HSPA12A: variants seen among roughly 807,000 people sequenced by gnomAD.
HSPA12A encodes the protein heat shock protein family A (Hsp70) member 12A.
HSPA12A carries 28 observed loss-of-function variants against 69.2 expected under a neutral mutation model. The ratio of observed to expected loss-of-function variants is 0.40; its 90% CI spans 0.30 to 0.55. The LOEUF (loss-of-function observed/expected upper bound fraction) is 0.55, where lower values mean the gene tolerates loss of function less well. Ranked by LOEUF, HSPA12A falls within the 20% of genes least tolerant of loss-of-function variation. The probability of loss-of-function intolerance (pLI) is 0.38; values close to 1 mark genes in which losing one functional copy is unlikely to be tolerated. For synonymous variants in HSPA12A, 345 were observed against 370.5 expected, an observed-to-expected ratio of 0.93 and a Z score of 0.79; for missense variants, 686 against 900.7, an observed-to-expected ratio of 0.76 and a Z score of 3.05.
At chr10:116,821,854 C>A (rs1423884910) in intron 2 of HSPA12A, among the ~76,000 whole-genome samples, 1 of 152,124 alleles carries the variant, frequency 6.6e-6, no homozygotes, top group African/African-American at 2.4e-5. Flanking sequence ...AGGGACTATG[C>A]CCTTTACAGC....
intron 1 of HSPA12A, among the ~76,000 whole-genome samples, chr10:116,840,677 T>TA (rs1285223449): frequency 2.0e-5 from 3 of 152,174 alleles, no homozygotes; most frequent in Non-Finnish European, 4.4e-5. Flanking sequence ...TTTAACATGT[T>TA]AGAGTCCGAA....
chr10:116,804,047 T>C (rs79781298), intron 2 of HSPA12A, among the ~76,000 whole-genome samples: 3,942 of 152,206 alleles, frequency 0.026, 167 homozygotes, highest in African/African-American at 0.089. Flanking sequence ...AATCACGCAC[T>C]GTCTTGCAAC....
intron 2 of HSPA12A, among the ~76,000 whole-genome samples, chr10:116,759,009 G>C (rs1215607134): frequency 1.3e-5 from 2 of 152,184 alleles, no homozygotes; most frequent in East Asian, 1.9e-4. Flanking sequence ...CAGCCGGCTT[G>C]TTTCAGATTC....
chr10:116,683,588 G>C (rs1028312588), intron 7 of HSPA12A: 4 of 416,040 alleles, frequency 9.6e-6, no homozygotes, highest in African/African-American at 4.0e-5. Context: ...GATGAACCAG[G>C]GTAACCATGC....
intron 1 of HSPA12A, among the ~76,000 whole-genome samples, chr10:116,848,654 T>C (rs1490665293): frequency 6.6e-6 from 1 of 152,164 alleles, no homozygotes; most frequent in African/African-American, 2.4e-5. Flanking sequence ...AATCGCATGA[T>C]ACCTGGCAGG....
intron 2 of HSPA12A, among the ~76,000 whole-genome samples, chr10:116,818,130 G>T (rs146222428): frequency 1.1e-3 from 162 of 152,312 alleles, no homozygotes; most frequent in Non-Finnish European, 1.5e-3. Flanking sequence ...CTCCAACTAG[G>T]AAGACATCTG....
At chr10:116,728,366 T>A (rs893934525) in intron 1 of HSPA12A, among the ~76,000 whole-genome samples, 59 of 152,196 alleles carry the variant, frequency 3.9e-4, no homozygotes, top group African/African-American at 1.4e-3. Context: ...TGTAACTCCA[T>A]CGTAAGTCAA....
At chr10:116,843,847 T>C (rs1358541324) in intron 1 of HSPA12A, among the ~76,000 whole-genome samples, 3 of 152,212 alleles carry the variant, frequency 2.0e-5, no homozygotes, top group Admixed American at 6.5e-5. Context: ...TTCAATACTG[T>C]AGCAATGATT....
At chr10:116,691,177 C>T (rs1200095612) in intron 6 of HSPA12A, among the ~76,000 whole-genome samples, 1 of 152,194 alleles carries the variant, frequency 6.6e-6, no homozygotes, top group Non-Finnish European at 1.5e-5. Flanking sequence ...GATTCTCACA[C>T]TGCAAGGAGG....
intron 1 of HSPA12A, among the ~76,000 whole-genome samples, chr10:116,713,763 C>T (rs1850519814): frequency 6.6e-6 from 1 of 152,166 alleles, no homozygotes; most frequent in Non-Finnish European, 1.5e-5. Context: ...GACACACTTG[C>T]TTGACCAACA....
intron 2 of HSPA12A, chr10:116,827,378 T>A (rs1845527946): frequency 6.6e-6 from 1 of 152,310 alleles, no homozygotes; most frequent in African/African-American, 2.4e-5. Context: ...GAGCTCGCCC[T>A]TGCTGCGAGC....
chr10:116,717,324 T>C (rs1012769426), intron 1 of HSPA12A, among the ~76,000 whole-genome samples: 1 of 152,150 alleles, frequency 6.6e-6, no homozygotes, highest in Non-Finnish European at 1.5e-5. Context: ...TAAATCCCCA[T>C]TTCACAGACG....
chr10:116,793,606 G>A (rs1274399602), intron 2 of HSPA12A, among the ~76,000 whole-genome samples: 1 of 151,764 alleles, frequency 6.6e-6, no homozygotes, highest in Non-Finnish European at 1.5e-5. Flanking sequence ...AAAACCCACA[G>A]AATTAAAAGA....
intron 2 of HSPA12A, among the ~76,000 whole-genome samples, chr10:116,783,993 CAT>C: frequency 6.6e-6 from 1 of 152,212 alleles, no homozygotes; most frequent in South Asian, 2.1e-4. Flanking sequence ...TATGAGCCAC[CAT>C]GCCCAGCCCA....
At chr10:116,718,680 C>A (rs1209290508) in intron 1 of HSPA12A, among the ~76,000 whole-genome samples, 1 of 152,126 alleles carries the variant, frequency 6.6e-6, no homozygotes, top group Non-Finnish European at 1.5e-5. Context: ...TCTTTCCAAG[C>A]CTTGAAGGGC....
At chr10:116,681,703 C>T (rs1359025731) in intron 8 of HSPA12A, 88 bp downstream of exon 8, 1 of 1,232,594 alleles carries the variant, frequency 8.1e-7, no homozygotes, top group Admixed American at 1.9e-5. Context: ...GAACATTTTC[C>T]AAAAGTGCAA....
At position 116,761,544 on chromosome 10, in the gene HSPA12A, G is replaced by A. The variant is rs77075137; in HGVS notation, c.92-54259C>T. The stretch of plus-strand genomic sequence containing the variant: ...GCTAACTAGTGAGGAACTCATCTAC[G>A]TAGTGAAGAACTCATCTAAAAAAAG... On this transcript the variant is annotated intron_variant, in intron 2 of 12. Transcript: ENST00000635765. 2.2e-3 allele frequency among the ~76,000 whole-genome samples: 318 copies of A among 147,896 alleles called. 2 individuals carry two copies. Among genetic ancestry groups the A allele is most frequent in the African/African-American group, 7.4e-3 (296 of 40,188 alleles).
chr10:116,822,311 C>T (rs750928991), intron 2 of HSPA12A, among the ~76,000 whole-genome samples: 11 of 152,224 alleles, frequency 7.2e-5, no homozygotes, highest in Admixed American at 1.3e-4. Flanking sequence ...TCCTCAGCTT[C>T]TCCATCTGAG....
chr10:116,720,571 G>A (rs1468292032), intron 1 of HSPA12A, among the ~76,000 whole-genome samples: 4 of 152,236 alleles, frequency 2.6e-5, no homozygotes, highest in African/African-American at 9.6e-5. Context: ...GGTGCTGCAG[G>A]CTGACTTGCT....
Sources: gnomAD v4.1 joint callset for allele counts (sites outside exome capture counted in the v4.1 genomes callset) on GRCh38, gnomAD v4.1.1 for gene constraint, MANE v1.5 for transcripts, NCBI Gene and HGNC (gene_info 2026-07-23, HGNC 2026-07-21) for gene names.